PAK3: variants seen among roughly 807,000 people sequenced by gnomAD.
PAK3 encodes the protein serine/threonine-protein kinase PAK 3.
Under a neutral mutation model 41.0 loss-of-function variants are expected in PAK3, and 4 were observed. The ratio of observed to expected loss-of-function variants is 0.10; its 90% CI spans 0.05 to 0.22. The LOEUF is 0.22. Among genes scored for constraint, PAK3 ranks in the 10% least tolerant of loss-of-function variants. The probability of loss-of-function intolerance (pLI) is 1.00; values close to 1 mark genes in which losing one functional copy is unlikely to be tolerated. For synonymous variants in PAK3, 146 were observed against 139.6 expected (o/e 1.05, Z -0.32); for missense variants, 205 against 409.9 (o/e 0.50, Z 4.32).
At chrX:111,058,044 G>A (rs777678031) in intron 1 of PAK3, among the ~76,000 whole-genome samples, 1 of 112,193 alleles carries the variant, frequency 8.9e-6, no homozygotes, top group East Asian at 2.8e-4. Flanking sequence ...ATATTCCATT[G>A]TATGGATATA....
chrX:111,048,931 A>G (rs2092528057), intron 1 of PAK3, among the ~76,000 whole-genome samples: 1 of 111,767 alleles, frequency 8.9e-6, no homozygotes, highest in African/African-American at 3.3e-5. Flanking sequence ...AAACCATCCA[A>G]TAGCTTCCTG....
intron 1 of PAK3, among the ~76,000 whole-genome samples, chrX:111,081,109 G>T (rs1267630812): frequency 1.8e-5 from 2 of 111,347 alleles, no homozygotes; most frequent in Non-Finnish European, 3.8e-5. Flanking sequence ...TTGGTCAAAG[G>T]GTATAAAGTT....
rs988533231 is a variant in PAK3, at chrX:111,054,582, C to T, written c.-27-68495C>T. On this transcript the variant is annotated intron_variant, in intron 1 of 14. Coordinates refer to the PAK3 transcript ENST00000425146. ...GGCTTCCAAAGGCCCTATTTTGGCC[C>T]TGCCCTCTTTGTTTCTCCATACACT... 2.7e-5 allele frequency among the ~76,000 whole-genome samples: 3 copies of T among 111,281 alleles called. No individual in the cohort carries two copies. In the Admixed American group the frequency reaches 2.9e-4, roughly 11 times the overall value.
At chrX:111,048,486 A>G (rs1013976128) in intron 1 of PAK3, among the ~76,000 whole-genome samples, 1 of 111,475 alleles carries the variant, frequency 9.0e-6, no homozygotes, top group Non-Finnish European at 1.9e-5. Context: ...TAGCATCTCA[A>G]ATTTTATCAT....
At chrX:111,208,934 C>T (rs781029030) in intron 16 of PAK3, among the ~76,000 whole-genome samples, 2 of 104,409 alleles carry the variant, frequency 1.9e-5, no homozygotes, top group East Asian at 5.9e-4. Context: ...CGAGGAATGA[C>T]GTGTGTGTGT....
intron 1 of PAK3, among the ~76,000 whole-genome samples, chrX:110,966,891 A>T (rs2091092996): frequency 8.9e-6 from 1 of 112,115 alleles, no homozygotes; most frequent in African/African-American, 3.2e-5. Flanking sequence ...AAAAGCAGGG[A>T]TAGGATATGT....
chrX:111,004,981 G>T (rs986638792), intron 1 of PAK3, among the ~76,000 whole-genome samples: 1 of 112,329 alleles, frequency 8.9e-6, no homozygotes, highest in African/African-American at 3.2e-5. Context: ...CTGCAAAGAT[G>T]CATCTGTTAA....
intron 1 of PAK3, among the ~76,000 whole-genome samples, chrX:110,969,094 ATTT>A (rs60724970): frequency 7.4e-5 from 3 of 40,614 alleles, no homozygotes; most frequent in African/African-American, 1.9e-4. Flanking sequence ...GACCTGCCTA[ATTT>A]TTTTTTTTTT....
chrX:111,026,632 A>G (rs1358388706), intron 1 of PAK3, among the ~76,000 whole-genome samples: 1 of 111,628 alleles, frequency 9.0e-6, no homozygotes, highest in Non-Finnish European at 1.9e-5. Flanking sequence ...AAAGAAAACT[A>G]CAAAACACTG....
intron 5 of PAK3, among the ~76,000 whole-genome samples, chrX:111,123,549 G>A (rs986466869): frequency 8.9e-6 from 1 of 112,488 alleles, no homozygotes; most frequent in African/African-American, 3.2e-5. Flanking sequence ...GTACTGTCTT[G>A]AATATATCAA....
At chrX:110,945,618 G>C (rs762486530) in intron 1 of PAK3, among the ~76,000 whole-genome samples, 1 of 111,943 alleles carries the variant, frequency 8.9e-6, no homozygotes, top group Non-Finnish European at 1.9e-5. Context: ...AATGTCTTCA[G>C]GTCTTACTTA....
chrX:110,972,939 C>T (rs1440847813), intron 1 of PAK3, among the ~76,000 whole-genome samples: 3 of 111,044 alleles, frequency 2.7e-5, no homozygotes, highest in South Asian at 3.8e-4. Context: ...ATAGCCGATT[C>T]GATCAAGTGG....
chrX:111,198,494 A>T (rs1004038616), intron 16 of PAK3, among the ~76,000 whole-genome samples: 1 of 111,640 alleles, frequency 9.0e-6, no homozygotes, highest in African/African-American at 3.3e-5. Context: ...TCTTGAGTTG[A>T]TTTTTGCATA....
At chrX:111,155,755 C>T (rs1050984689) in intron 8 of PAK3, among the ~76,000 whole-genome samples, 6 of 111,074 alleles carry the variant, frequency 5.4e-5, no homozygotes, top group African/African-American at 1.6e-4. Flanking sequence ...GATGAGATTT[C>T]GATCTGTGAA....
chrX:111,176,965 CAAA>C (rs67321349), intron 11 of PAK3, among the ~76,000 whole-genome samples: 1 of 89,653 alleles, frequency 1.1e-5, no homozygotes, highest in Non-Finnish European at 2.2e-5. Flanking sequence ...CTTTCTGGAC[CAAA>C]AAAAAAAAAA....
chrX:111,003,005 G>A (rs2091871904), intron 1 of PAK3, among the ~76,000 whole-genome samples: 1 of 112,100 alleles, frequency 8.9e-6, no homozygotes, highest in Non-Finnish European at 1.9e-5. Context: ...GCCCTACAAT[G>A]TGTGCTGTAA....
At chrX:111,086,774 T>G (rs778237998) in intron 1 of PAK3, among the ~76,000 whole-genome samples, 19 of 111,737 alleles carry the variant, frequency 1.7e-4, no homozygotes, top group Non-Finnish European at 3.0e-4. Flanking sequence ...AAGGCCAATC[T>G]TGATTTGTAA....
At chrX:111,151,957 G>A (rs150607330) in intron 7 of PAK3, among the ~76,000 whole-genome samples, 7 of 111,989 alleles carry the variant, frequency 6.3e-5, no homozygotes, top group African/African-American at 2.3e-4. Flanking sequence ...GCAGGACCGC[G>A]TGAGATTTTA....
intron 1 of PAK3, among the ~76,000 whole-genome samples, chrX:111,018,974 C>A (rs1458204375): frequency 9.0e-6 from 1 of 111,373 alleles, no homozygotes; most frequent in African/African-American, 3.3e-5. Context: ...GACAAGGGCA[C>A]AAAGTCCATT....
Sources: gnomAD v4.1 joint callset for allele counts (sites outside exome capture counted in the v4.1 genomes callset) on GRCh38, gnomAD v4.1.1 for gene constraint, MANE v1.5 for transcripts, NCBI Gene and HGNC (gene_info 2026-07-23, HGNC 2026-07-21) for gene names.